IL1RAP: variants seen among roughly 807,000 people sequenced by gnomAD.
The protein encoded by IL1RAP is interleukin-1 receptor accessory protein.
Under a neutral mutation model 60.7 loss-of-function variants are expected in IL1RAP, and 35 were observed. The ratio of observed to expected loss-of-function variants is 0.58; its 90% CI spans 0.44 to 0.76. The LOEUF (loss-of-function observed/expected upper bound fraction) is 0.76. IL1RAP is among the 30% of genes least tolerant of loss of function. IL1RAP has a pLI of 0.00. For missense variants in IL1RAP, 572 were observed against 693.9 expected (o/e 0.82, Z 1.97); for synonymous variants, 268 against 250.9 (o/e 1.07, Z -0.64).
intron 3 of IL1RAP, among the ~76,000 whole-genome samples, chr3:190,603,131 A>G (rs976873891): frequency 1.3e-5 from 2 of 152,154 alleles, no homozygotes; most frequent in East Asian, 1.9e-4. Flanking sequence ...GAGGGGTGGT[A>G]AGATAGACTC....
chr3:190,655,397 G>A (rs1734581153), downstream of IL1RAP, among the ~76,000 whole-genome samples: 1 of 152,008 alleles, frequency 6.6e-6, no homozygotes, highest in East Asian at 1.9e-4. Context: ...ATATAAAAAT[G>A]GTTTTCAAAT....
At chr3:190,574,993 GT>G (rs3836446) in intron 3 of IL1RAP, among the ~76,000 whole-genome samples, 3 of 151,538 alleles carry the variant, frequency 2.0e-5, no homozygotes, top group Admixed American at 6.6e-5. Context: ...AGGGAAATGA[GT>G]TTTTTTTTAA....
chr3:190,582,824 T>C (rs1197005619), intron 3 of IL1RAP, among the ~76,000 whole-genome samples: 1 of 152,252 alleles, frequency 6.6e-6, no homozygotes, highest in Non-Finnish European at 1.5e-5. Flanking sequence ...TATGCTCTTA[T>C]ATGTTCAAAT....
chr3:190,523,653 A>C (rs1174307447), intron 1 of IL1RAP, among the ~76,000 whole-genome samples: 1 of 152,198 alleles, frequency 6.6e-6, no homozygotes, highest in Non-Finnish European at 1.5e-5. Flanking sequence ...TTTGCTAAGG[A>C]TAATGGTCCC....
chr3:190,569,194 A>G (rs1344986775), intron 3 of IL1RAP, among the ~76,000 whole-genome samples: 1 of 152,198 alleles, frequency 6.6e-6, no homozygotes, highest in Non-Finnish European at 1.5e-5. Context: ...CATTTAATGT[A>G]TTTTGGTTAT....
chr3:190,577,596 A>G (rs1402461996), intron 3 of IL1RAP, among the ~76,000 whole-genome samples: 3 of 152,154 alleles, frequency 2.0e-5, no homozygotes, highest in East Asian at 1.9e-4. Context: ...TACCTAGGCT[A>G]GAGTGCTCAC....
intron 8 of IL1RAP, among the ~76,000 whole-genome samples, chr3:190,627,668 A>ATTAGAATGT (rs1480915752): frequency 6.6e-6 from 1 of 152,246 alleles, no homozygotes; most frequent in Non-Finnish European, 1.5e-5. Flanking sequence ...GGAGAGCTGA[A>ATTAGAATGT]TTAGAATGTT....
At chr3:190,516,349 G>C (rs938727987) in intron 1 of IL1RAP, 14 of 152,238 alleles carry the variant, frequency 9.2e-5, no homozygotes, top group Admixed American at 8.5e-4. Context: ...GGGGCCTTGT[G>C]GGGGAAAAGG....
chr3:190,648,675 C>A lies in IL1RAP; in HGVS notation c.1683C>A (p.Gly561=), dbSNP rs146043981. Residue 561 remains glycine, a synonymous_variant, in exon 12 of 12, where the codon GGC becomes GGA. Transcript: ENST00000447382. ...GGCGGTCTAGCAGTGATGAGCAGGG[C>A]CTCTCGTATTCATCTTTGAAAAATG... ...SPRRSSSDEQ[G]LSYSSLKNV The A allele has an allele frequency of 7.4e-5, 120 of 1,612,856 alleles. No individual in the cohort carries two copies. In the East Asian group the frequency reaches 1.7e-3, roughly 22 times the overall value.
intron 1 of IL1RAP, among the ~76,000 whole-genome samples, chr3:190,541,432 A>G (rs934055319): frequency 2.6e-5 from 4 of 152,112 alleles, no homozygotes; most frequent in Non-Finnish European, 5.9e-5. Flanking sequence ...CTTAGTTTTA[A>G]TTTGTACTTA....
At chr3:190,616,470 G>C (rs928003393) in intron 5 of IL1RAP, among the ~76,000 whole-genome samples, 3 of 152,088 alleles carry the variant, frequency 2.0e-5, no homozygotes, top group Non-Finnish European at 2.9e-5. Context: ...CCAGTGCCTG[G>C]CCCATAGGAG....
chr3:190,522,340 T>TCCTTCCTTCCTTCCTTCCTC (rs1276559764), intron 1 of IL1RAP, among the ~76,000 whole-genome samples: 1 of 130,212 alleles, frequency 7.7e-6, no homozygotes, highest in Non-Finnish European at 1.7e-5. Flanking sequence ...CTTCCTTCCT[T>TCCTTCCTTCCTTCCTTCCTC]CCTCCCTCCC....
intron 5 of IL1RAP, among the ~76,000 whole-genome samples, chr3:190,614,612 G>A (rs965949303): frequency 5.9e-5 from 9 of 152,258 alleles, no homozygotes; most frequent in African/African-American, 2.2e-4. Context: ...GGTATAGCGT[G>A]GTTGAGAAAT....
intron 5 of IL1RAP, among the ~76,000 whole-genome samples, chr3:190,611,456 A>G (rs1277222079): frequency 1.3e-5 from 2 of 152,232 alleles, no homozygotes; most frequent in African/African-American, 4.8e-5. Context: ...GATAAATTGT[A>G]AGAAAAGGAA....
intron 1 of IL1RAP, among the ~76,000 whole-genome samples, chr3:190,524,679 C>T (rs367839124): frequency 1.3e-5 from 2 of 152,010 alleles, no homozygotes; most frequent in African/African-American, 4.8e-5. Context: ...TGCTGTATCC[C>T]AAGTGCCTAG....
intron 9 of IL1RAP, among the ~76,000 whole-genome samples, chr3:190,634,841 G>T (rs528044928): frequency 6.6e-6 from 1 of 151,562 alleles, no homozygotes; most frequent in African/African-American, 2.4e-5. Context: ...TCAGCCTCCC[G>T]AGTAGCTGGG....
intron 1 of IL1RAP, among the ~76,000 whole-genome samples, chr3:190,515,502 A>C (rs1180274898): frequency 1.3e-5 from 2 of 152,098 alleles, no homozygotes; most frequent in African/African-American, 4.8e-5. Context: ...CTTCTTTTGA[A>C]TTTGAGCAAC....
intron 1 of IL1RAP, among the ~76,000 whole-genome samples, chr3:190,546,170 C>T (rs571665690): frequency 1.3e-5 from 2 of 152,296 alleles, no homozygotes; most frequent in African/African-American, 4.8e-5. Flanking sequence ...GACTTCGAAC[C>T]TGCAAGATAA....
chr3:190,649,935 T>C lies in IL1RAP; in HGVS notation c.*1230T>C. 2.4e-6 allele frequency: 2 copies of C among 849,180 alleles called. No homozygotes were observed. Among genetic ancestry groups the C allele is most frequent in the Non-Finnish European group, 2.8e-6 (2 of 705,754 alleles). The allele number at this position is 849,180 out of a possible 1,614,324, so 52.6% of individuals were successfully genotyped here. ...AAATATCTATGTTACATGTAGATTA[T>C]ACATATATATACACACGTGTATATG... On this transcript the variant is annotated 3_prime_UTR_variant, in exon 12 of 12. Transcript: ENST00000447382.
Sources: allele counts gnomAD v4.1 joint callset (sites outside exome capture counted in the v4.1 genomes callset), GRCh38; gene constraint gnomAD v4.1.1; transcripts MANE v1.5; gene names NCBI Gene and HGNC (gene_info 2026-07-23, HGNC 2026-07-21).